The following SGK1 variants were observed in gnomAD, a reference collection of about 807,000 sequenced individuals.
SGK1 encodes serine/threonine-protein kinase Sgk1.
Under a neutral mutation model 64.2 loss-of-function variants are expected in SGK1, and 26 were observed. The observed-to-expected ratio is 0.40, with a 90% confidence interval of 0.30 to 0.56. The LOEUF (loss-of-function observed/expected upper bound fraction) is 0.56. Among genes scored for constraint, SGK1 ranks in the 20% least tolerant of loss-of-function variants. The probability of loss-of-function intolerance (pLI) is 0.38; values close to 1 mark genes in which losing one functional copy is unlikely to be tolerated. For missense variants in SGK1, 519 were observed against 645.6 expected, an observed-to-expected ratio of 0.80 and a Z score of 2.12; for synonymous variants, 265 against 239.7, an observed-to-expected ratio of 1.11 and a Z score of -0.98.
intron 8 of SGK1, 26 bp downstream of exon 8, chr6:134,172,997 A>G: frequency 6.3e-7 from 1 of 1,597,850 alleles, no homozygotes; most frequent in Non-Finnish European, 8.5e-7. Flanking sequence ...AGACACTAAG[A>G]GTTGACTTCT....
chr6:134,261,592 C>T, intron 2 of SGK1: 1 of 543,326 alleles, frequency 1.8e-6, no homozygotes, highest in Non-Finnish European at 3.2e-6. Context: ...TAGTCCAAAC[C>T]CATAGAATGT....
intron 3 of SGK1, 126 bp from the exon 4 acceptor site, chr6:134,174,712 C>G: frequency 6.2e-7 from 1 of 1,614,070 alleles, no homozygotes; most frequent in Non-Finnish European, 8.5e-7. Flanking sequence ...GCAGAAGTCC[C>G]GCAAGATTCC....
At chr6:134,206,371 ATATATATATATATTTTTTTTTTTTT>A (rs1350779249) in intron 3 of SGK1, among the ~76,000 whole-genome samples, 1 of 4,974 alleles carries the variant, frequency 2.0e-4, no homozygotes, top group African/African-American at 4.9e-4. Flanking sequence ...ATATATATAT[ATATATATATATATTTTTTTTTTTTT>A]TTTTTTTTTT....
At chr6:134,194,981 T>A (rs917439851) in intron 3 of SGK1, among the ~76,000 whole-genome samples, 2 of 152,248 alleles carry the variant, frequency 1.3e-5, no homozygotes, top group Non-Finnish European at 2.9e-5. Context: ...CTAGACTTTT[T>A]GATCTGCTGC....
At chr6:134,194,170 C>CTT (rs57567582) in intron 3 of SGK1, among the ~76,000 whole-genome samples, 2 of 145,734 alleles carry the variant, frequency 1.4e-5, no homozygotes, top group African/African-American at 5.0e-5. Flanking sequence ...AGCTGGAAAT[C>CTT]TTTTTTTTTT....
intron 2 of SGK1, among the ~76,000 whole-genome samples, chr6:134,226,184 G>C (rs1776174277): frequency 6.6e-6 from 1 of 151,854 alleles, no homozygotes; most frequent in Non-Finnish European, 1.5e-5. Context: ...TATCAAGGAA[G>C]GTGATATCAA....
intron 3 of SGK1, among the ~76,000 whole-genome samples, chr6:134,187,569 A>C (rs1051650384): frequency 6.6e-6 from 1 of 152,228 alleles, no homozygotes; most frequent in Non-Finnish European, 1.5e-5. Context: ...CCGTAACTTC[A>C]AAAGGCCATT....
At chr6:134,303,741 G>A (rs995260704) in intron 1 of SGK1, among the ~76,000 whole-genome samples, 10 of 150,782 alleles carry the variant, frequency 6.6e-5, no homozygotes, top group African/African-American at 2.4e-4. Context: ...CTATGATCCA[G>A]CCACTGGACT....
At chr6:134,260,080 A>T (rs183216100) in intron 2 of SGK1, 118 of 152,254 alleles carry the variant, frequency 7.8e-4, no homozygotes, top group African/African-American at 2.2e-3. Flanking sequence ...TAGGCTGGGC[A>T]TTGTGCCTCA....
intron 2 of SGK1, among the ~76,000 whole-genome samples, chr6:134,210,002 C>T (rs1775861559): frequency 6.6e-6 from 1 of 152,130 alleles, no homozygotes; most frequent in South Asian, 2.1e-4. Flanking sequence ...ACGAAGGAAG[C>T]AGTGCATGAA....
chr6:134,272,222 C>T (rs1402788407), intron 1 of SGK1, among the ~76,000 whole-genome samples: 1 of 145,260 alleles, frequency 6.9e-6, no homozygotes, highest in Non-Finnish European at 1.5e-5. Flanking sequence ...CTCACCGCAA[C>T]CTCCCGTTCC....
intron 3 of SGK1, among the ~76,000 whole-genome samples, chr6:134,199,090 T>C (rs910602021): frequency 6.6e-6 from 1 of 151,918 alleles, no homozygotes; most frequent in African/African-American, 2.4e-5. Context: ...TGAGAAAACA[T>C]ATAGGAGCTA....
intron 3 of SGK1, among the ~76,000 whole-genome samples, chr6:134,206,135 A>G (rs576499930): frequency 1.3e-5 from 2 of 151,992 alleles, no homozygotes; most frequent in African/African-American, 4.8e-5. Flanking sequence ...TCATAGTGCA[A>G]GTATACATGC....
At chr6:134,314,575 T>C (rs1366750090) in intron 1 of SGK1, among the ~76,000 whole-genome samples, 1 of 152,214 alleles carries the variant, frequency 6.6e-6, no homozygotes, top group Non-Finnish European at 1.5e-5. Context: ...AGGGTTACTG[T>C]GAATATTAAA....
At chr6:134,294,820 G>A (rs1426730967) in intron 1 of SGK1, among the ~76,000 whole-genome samples, 5 of 152,146 alleles carry the variant, frequency 3.3e-5, no homozygotes, top group East Asian at 3.9e-4. Flanking sequence ...GAGCTACCAC[G>A]CCCAGCCAGT....
chr6:134,207,419 A>T lies in SGK1; in HGVS notation c.298T>A (p.Cys100Ser). 6.2e-7 allele frequency: 1 copy of T among 1,609,854 alleles called. No homozygotes were observed. The highest frequency in any genetic ancestry group is 8.5e-7 in the Non-Finnish European group (1 of 1,176,354). ...TTGGTCAGGATGTTGGCATGATTAC[A>T]TGGCTCTCTCACCTTTAAAACATAA... ...TQSGCEVREP[C>S]NHANILTKPD... The change falls in exon 3 of 14, where the codon TGT becomes AGT. Residue 100 changes from cysteine to serine, a missense_variant. Transcript: ENST00000367858.
At chr6:134,243,741 T>A (rs1582738156) in intron 2 of SGK1, among the ~76,000 whole-genome samples, 1 of 152,350 alleles carries the variant, frequency 6.6e-6, no homozygotes, top group East Asian at 1.9e-4. Context: ...GCATGATTCA[T>A]TAACTCTGCA....
intron 1 of SGK1, among the ~76,000 whole-genome samples, chr6:134,273,813 A>G (rs909445581): frequency 6.6e-6 from 1 of 151,598 alleles, no homozygotes; most frequent in African/African-American, 2.4e-5. Flanking sequence ...TGAAGTATTT[A>G]TTTTTATTTA....
intron 2 of SGK1, chr6:134,211,615 T>C (rs1775890931): frequency 6.6e-6 from 1 of 152,124 alleles, no homozygotes; most frequent in African/African-American, 2.4e-5. Flanking sequence ...CTTCCTTGAA[T>C]AGATTACCAA....
Sources: allele counts gnomAD v4.1 joint callset (sites outside exome capture counted in the v4.1 genomes callset), GRCh38; gene constraint gnomAD v4.1.1; transcripts MANE v1.5; gene names NCBI Gene and HGNC (gene_info 2026-07-23, HGNC 2026-07-21).